The following SEM1 variants were observed in gnomAD, a reference collection of about 807,000 sequenced individuals.
SEM1 encodes SEM1 26S proteasome subunit, also known as 26S proteasome complex subunit SEM1.
SEM1 carries 3 observed loss-of-function variants against 12.7 expected under a neutral mutation model. The observed-to-expected ratio is 0.24, with a 90% CI of 0.11 to 0.61. SEM1 has a LOEUF of 0.61. Among genes scored for constraint, SEM1 ranks in the 20% least tolerant of loss-of-function variants. SEM1 has a pLI of 0.88. For missense variants in SEM1, 59 were observed against 81.3 expected (o/e 0.73, Z 1.06); for synonymous variants, 30 against 27.8 (o/e 1.08, Z -0.25).
intron 2 of SEM1, among the ~76,000 whole-genome samples, chr7:96,485,739 A>G (rs1466216625): frequency 6.6e-6 from 1 of 151,372 alleles, no homozygotes; most frequent in Non-Finnish European, 1.5e-5. Context: ...ACAGGGTTTC[A>G]CTATGTTGGC....
At chr7:96,525,622 G>C (rs926112561) in intron 2 of SEM1, among the ~76,000 whole-genome samples, 7 of 152,008 alleles carry the variant, frequency 4.6e-5, no homozygotes, top group African/African-American at 1.7e-4. Flanking sequence ...TTGGACCTTA[G>C]TAAAATTAAA....
intron 2 of SEM1, among the ~76,000 whole-genome samples, chr7:96,588,289 A>T (rs1308814885): frequency 6.6e-6 from 1 of 151,096 alleles, no homozygotes; most frequent in African/African-American, 2.4e-5. Flanking sequence ...GGAGGCTGCA[A>T]TGAGCCACGA....
At chr7:96,703,289 G>A (rs1430380618) in intron 1 of SEM1, among the ~76,000 whole-genome samples, 2 of 152,130 alleles carry the variant, frequency 1.3e-5, no homozygotes, top group Non-Finnish European at 2.9e-5. Flanking sequence ...GCATCAGTGC[G>A]TTAATTTCCT....
chr7:96,541,443 G>GTTGT (rs1343378854), intron 2 of SEM1, among the ~76,000 whole-genome samples: 14 of 102,406 alleles, frequency 1.4e-4, no homozygotes, highest in African/African-American at 5.3e-4. Flanking sequence ...TTTTTTTTTT[G>GTTGT]TTTTTTTTTT....
At chr7:96,587,373 C>T (rs1435012974) in intron 2 of SEM1, among the ~76,000 whole-genome samples, 1 of 152,160 alleles carries the variant, frequency 6.6e-6, no homozygotes, top group Non-Finnish European at 1.5e-5. Context: ...TGTTCTCTTC[C>T]TTGGAGCAGT....
chr7:96,521,144 G>A (rs1042774748), intron 2 of SEM1, among the ~76,000 whole-genome samples: 7 of 151,988 alleles, frequency 4.6e-5, no homozygotes, highest in African/African-American at 9.7e-5. Context: ...GCCTGAGGGC[G>A]AAAAAGGAGG....
chr7:96,565,582 A>G (rs1011481670), intron 2 of SEM1, among the ~76,000 whole-genome samples: 4 of 151,936 alleles, frequency 2.6e-5, no homozygotes, highest in African/African-American at 9.7e-5. Flanking sequence ...ACTAAATAGA[A>G]CAAAATATAC....
intron 2 of SEM1, among the ~76,000 whole-genome samples, chr7:96,544,026 T>C (rs556227319): frequency 6.6e-6 from 1 of 152,136 alleles, no homozygotes; most frequent in South Asian, 2.1e-4. Flanking sequence ...TTTTACAAAT[T>C]AGTTTAAATT....
intron 2 of SEM1, among the ~76,000 whole-genome samples, chr7:96,576,409 T>C (rs1174220950): frequency 6.6e-6 from 1 of 152,202 alleles, no homozygotes; most frequent in Non-Finnish European, 1.5e-5. Flanking sequence ...TTACTGTGCT[T>C]TGTTTATTTG....
chr7:96,527,346 G>A (rs989999955), intron 2 of SEM1, among the ~76,000 whole-genome samples: 2 of 152,032 alleles, frequency 1.3e-5, no homozygotes, highest in Non-Finnish European at 2.9e-5. Flanking sequence ...CTGGGTAAAC[G>A]GTGTCACTTC....
At chr7:96,522,871 A>T (rs2115651089) in intron 2 of SEM1, among the ~76,000 whole-genome samples, 1 of 146,550 alleles carries the variant, frequency 6.8e-6, no homozygotes, top group Non-Finnish European at 1.5e-5. Context: ...AGCCTGGGCA[A>T]CAAGAGTGAA....
intron 2 of SEM1, among the ~76,000 whole-genome samples, chr7:96,553,561 T>C (rs1353378064): frequency 1.3e-5 from 2 of 152,194 alleles, no homozygotes; most frequent in Non-Finnish European, 2.9e-5. Flanking sequence ...TATATCTCTG[T>C]TTTGGTACCA....
At chr7:96,530,648 C>T (rs1804611218) in intron 2 of SEM1, among the ~76,000 whole-genome samples, 1 of 152,122 alleles carries the variant, frequency 6.6e-6, no homozygotes, top group Non-Finnish European at 1.5e-5. Flanking sequence ...GATTCCATTT[C>T]TCTAGTGGCC....
At chr7:96,708,069 G>A (rs1384377530) in intron 1 of SEM1, 3 of 152,156 alleles carry the variant, frequency 2.0e-5, no homozygotes, top group African/African-American at 7.2e-5. Flanking sequence ...TGCAAATAAA[G>A]TGCCTAACAT....
exon 4 of SEM1, chr7:96,482,918 T>C (rs1802603019): frequency 6.6e-6 from 1 of 152,160 alleles, no homozygotes; most frequent in African/African-American, 2.4e-5. Context: ...AGATGACTGA[T>C]AGCTAAACTC....
chr7:96,605,997 C>G (rs1338579401), intron 2 of SEM1, among the ~76,000 whole-genome samples: 1 of 152,182 alleles, frequency 6.6e-6, no homozygotes. Flanking sequence ...ATCAGATAAA[C>G]TGCTGCAGTA....
At chr7:96,698,455 T>C (rs1790165737) in intron 1 of SEM1, among the ~76,000 whole-genome samples, 2 of 152,190 alleles carry the variant, frequency 1.3e-5, no homozygotes, top group African/African-American at 4.8e-5. Flanking sequence ...ATGTTCCCCT[T>C]CCTGTGTCTA....
intron 2 of SEM1, among the ~76,000 whole-genome samples, chr7:96,657,128 A>G (rs1180030727): frequency 6.6e-6 from 1 of 152,158 alleles, no homozygotes; most frequent in Non-Finnish European, 1.5e-5. Flanking sequence ...AGAACAATTA[A>G]GCCAAGGAAT....
chr7:96,679,844 C>T (rs192990005), intron 2 of SEM1, among the ~76,000 whole-genome samples: 2 of 152,210 alleles, frequency 1.3e-5, no homozygotes, highest in East Asian at 1.9e-4. Flanking sequence ...TTAAGATTCA[C>T]TTTATAGCAA....
Sources: gnomAD v4.1 joint callset for allele counts (sites outside exome capture counted in the v4.1 genomes callset) on GRCh38, gnomAD v4.1.1 for gene constraint, MANE v1.5 for transcripts, NCBI Gene and HGNC (gene_info 2026-07-23, HGNC 2026-07-21) for gene names.